Variants in CTNNA3 observed in about 807,000 individuals in gnomAD.
The protein encoded by CTNNA3 is catenin alpha 3.
Under a neutral mutation model 95.7 loss-of-function variants are expected in CTNNA3, and 76 were observed. The observed-to-expected ratio is 0.79, with a 90% CI of 0.66 to 0.96. CTNNA3 has a LOEUF of 0.96. Among genes scored for constraint, CTNNA3 ranks in the 40% least tolerant of loss-of-function variants. CTNNA3 has a pLI of 0.00. For synonymous variants in CTNNA3, 431 were observed against 374.4 expected, an observed-to-expected ratio of 1.15 and a Z score of -1.74; for missense variants, 1,191 against 1,089.8, an observed-to-expected ratio of 1.09 and a Z score of -1.31.
intron 2 of CTNNA3, among the ~76,000 whole-genome samples, chr10:67,631,314 T>C (rs2133437009): frequency 6.6e-6 from 1 of 150,916 alleles, no homozygotes; most frequent in Middle Eastern, 3.4e-3. Flanking sequence ...AAAAAAAAAA[T>C]ACATTAAAGA....
At chr10:67,260,285 C>A (rs1293246900) in intron 5 of CTNNA3, among the ~76,000 whole-genome samples, 1 of 152,080 alleles carries the variant, frequency 6.6e-6, no homozygotes, top group African/African-American at 2.4e-5. Context: ...GAAGAGGACC[C>A]AAAGTAGCCA....
intron 10 of CTNNA3, among the ~76,000 whole-genome samples, chr10:66,565,928 G>A (rs576658864): frequency 3.9e-4 from 59 of 152,206 alleles, no homozygotes; most frequent in African/African-American, 1.3e-3. Flanking sequence ...TGACATATTA[G>A]CAGCCACTGA....
intron 1 of CTNNA3, among the ~76,000 whole-genome samples, chr10:67,744,556 G>A (rs1474811088): frequency 7.9e-5 from 12 of 151,354 alleles, no homozygotes; most frequent in Admixed American, 4.0e-4. Flanking sequence ...AACCCTAGAA[G>A]AAAACTTAGG....
At chr10:67,745,426 A>G (rs973553766) in intron 1 of CTNNA3, among the ~76,000 whole-genome samples, 1 of 148,500 alleles carries the variant, frequency 6.7e-6, no homozygotes, top group East Asian at 2.0e-4. Context: ...ACCAAACACC[A>G]CATGTTCTCA....
chr10:66,344,327 C>T (rs1470838179), intron 12 of CTNNA3, among the ~76,000 whole-genome samples: 3 of 151,194 alleles, frequency 2.0e-5, no homozygotes, highest in Non-Finnish European at 1.5e-5. Flanking sequence ...AGTGCAGTGG[C>T]GTGATCTCAG....
intron 11 of CTNNA3, among the ~76,000 whole-genome samples, chr10:66,451,642 GTAGTTTTAAGTATTTC>G (rs2093465616): frequency 6.6e-6 from 1 of 152,006 alleles, no homozygotes; most frequent in Non-Finnish European, 1.5e-5. Flanking sequence ...AGTATTTCAA[GTAGTTTTAAGTATTTC>G]AAGACTTTAA....
chr10:67,503,727 T>C (rs1839305830), intron 5 of CTNNA3, among the ~76,000 whole-genome samples: 2 of 152,196 alleles, frequency 1.3e-5, no homozygotes, highest in South Asian at 4.1e-4. Context: ...CCAACATTCT[T>C]AGATATTCTC....
chr10:66,547,005 G>A (rs1048938718), intron 10 of CTNNA3, among the ~76,000 whole-genome samples: 1 of 151,880 alleles, frequency 6.6e-6, no homozygotes, highest in Non-Finnish European at 1.5e-5. Flanking sequence ...TGTTTTTCTT[G>A]CTCTCTCTAG....
chr10:66,674,590 C>A (rs547148350), intron 9 of CTNNA3, among the ~76,000 whole-genome samples: 1 of 152,038 alleles, frequency 6.6e-6, no homozygotes, highest in African/African-American at 2.4e-5. Context: ...AAAAACCTCC[C>A]AAATATCAAT....
chr10:67,706,507 A>G (rs920302525), intron 1 of CTNNA3, among the ~76,000 whole-genome samples: 3 of 152,154 alleles, frequency 2.0e-5, no homozygotes, highest in Admixed American at 2.0e-4. Flanking sequence ...AAGGCCAACT[A>G]CTTCCTCTCC....
chr10:67,002,031 G>C (rs539551645), intron 7 of CTNNA3, among the ~76,000 whole-genome samples: 1 of 152,144 alleles, frequency 6.6e-6, no homozygotes, highest in Non-Finnish European at 1.5e-5. Context: ...GGAGGTCACC[G>C]TCTGGTTGAC....
chr10:66,280,472 G>A lies in CTNNA3; in HGVS notation c.1882C>T (p.Arg628Trp), dbSNP rs149081490. The change falls in exon 13 of 18, where the codon CGG becomes TGG. Residue 628 changes from arginine (R) to tryptophan (W), a missense_variant and splice_region_variant. By Grantham distance (101) the Arg-to-Trp change is moderately radical. Coordinates refer to ENST00000433211, the MANE Select transcript of CTNNA3 (RefSeq NM_013266.4). ...AATGGAAGGAAAAGCAAACTTACCC[G>A]AATCATCATGACTGAACATCTGATA... ...HDIRCSVMMI[R>W]TPEELEDVSD... The A allele has an allele frequency of 1.4e-5, 23 of 1,601,400 alleles. No homozygotes were observed. The highest frequency in any genetic ancestry group is 2.2e-5 in the South Asian group (2 of 89,206).
intron 13 of CTNNA3, among the ~76,000 whole-genome samples, chr10:66,209,530 C>G (rs535633798): frequency 6.6e-6 from 1 of 151,842 alleles, no homozygotes; most frequent in Non-Finnish European, 1.5e-5. Context: ...TCCAAAGCCC[C>G]GAGGCAGGAT....
intron 5 of CTNNA3, among the ~76,000 whole-genome samples, chr10:67,474,287 G>A (rs1008671354): frequency 6.6e-6 from 1 of 152,132 alleles, no homozygotes; most frequent in Non-Finnish European, 1.5e-5. Flanking sequence ...CTTTAAAAAG[G>A]TAATTACATT....
intron 9 of CTNNA3, among the ~76,000 whole-genome samples, chr10:66,633,530 A>C (rs1027635833): frequency 2.6e-5 from 4 of 151,966 alleles, no homozygotes; most frequent in African/African-American, 9.7e-5. Context: ...AATACAAAAA[A>C]TTAGCCGGGT....
chr10:66,503,461 C>A (rs1191145874), intron 11 of CTNNA3, among the ~76,000 whole-genome samples: 2 of 150,182 alleles, frequency 1.3e-5, no homozygotes, highest in East Asian at 4.0e-4. Context: ...ATACATAACT[C>A]CCTCCAAAAA....
intron 7 of CTNNA3, among the ~76,000 whole-genome samples, chr10:66,806,015 T>A (rs1841625588): frequency 6.6e-6 from 1 of 152,064 alleles, no homozygotes; most frequent in Non-Finnish European, 1.5e-5. Flanking sequence ...ATAAGGGTAA[T>A]TTGAACTATT....
At chr10:66,871,475 T>A (rs1053356357) in intron 7 of CTNNA3, among the ~76,000 whole-genome samples, 2 of 144,900 alleles carry the variant, frequency 1.4e-5, no homozygotes, top group Non-Finnish European at 3.0e-5. Context: ...CGCAGGAGAA[T>A]CTCTTGCACC....
At chr10:67,088,919 A>G (rs936124942) in intron 7 of CTNNA3, among the ~76,000 whole-genome samples, 2 of 152,126 alleles carry the variant, frequency 1.3e-5, no homozygotes, top group Non-Finnish European at 2.9e-5. Flanking sequence ...AGAGAAAAAC[A>G]AACAATAAAA....
Sources: gnomAD v4.1 joint callset for allele counts (sites outside exome capture counted in the v4.1 genomes callset) on GRCh38, gnomAD v4.1.1 for gene constraint, MANE v1.5 for transcripts, NCBI Gene and HGNC (gene_info 2026-07-23, HGNC 2026-07-21) for gene names.